The following SEMA6D variants were observed in gnomAD, a reference collection of about 807,000 sequenced individuals.
The protein encoded by SEMA6D is semaphorin-6D.
In SEMA6D, 35 loss-of-function variants were observed where a neutral mutation model predicts 106.6. The ratio of observed to expected loss-of-function variants is 0.33; its 90% CI spans 0.25 to 0.44. The LOEUF (loss-of-function observed/expected upper bound fraction) is 0.44, where lower values mean the gene tolerates loss of function less well. Among genes scored for constraint, SEMA6D ranks in the 20% least tolerant of loss-of-function variants. The pLI, the probability that SEMA6D is intolerant of heterozygous loss-of-function variation, is 1.00. For synonymous variants in SEMA6D, 499 were observed against 487.7 expected, an observed-to-expected ratio of 1.02 and a Z score of -0.31; for missense variants, 1,185 against 1,345.9, an observed-to-expected ratio of 0.88 and a Z score of 1.87.
intron 4 of SEMA6D, chr15:47,603,986 A>G (rs1039228471): frequency 2.6e-5 from 4 of 152,110 alleles, no homozygotes; most frequent in Admixed American, 6.6e-5. Context: ...TTTTCCTCCC[A>G]TGACTGCAAG....
chr15:47,753,986 T>C (rs937414180), intron 1 of SEMA6D, among the ~76,000 whole-genome samples: 1 of 152,186 alleles, frequency 6.6e-6, no homozygotes, highest in African/African-American at 2.4e-5. Flanking sequence ...ACCCCATTTC[T>C]ACATTCTAAT....
At chr15:47,711,917 T>G (rs371005739) in intron 4 of SEMA6D, among the ~76,000 whole-genome samples, 12 of 152,312 alleles carry the variant, frequency 7.9e-5, no homozygotes, top group East Asian at 1.9e-4. Flanking sequence ...TAGGGGTTTT[T>G]GGGTGTAAAA....
At position 47,374,726 on chromosome 15, in the gene SEMA6D, C is replaced by G. The variant is rs77354313; in HGVS notation, c.-238-37667C>G. Among the ~76,000 whole-genome samples, 705 of 152,232 alleles carry G rather than the reference C, an allele frequency of 4.6e-3. 9 individuals carry two copies. The highest frequency in any genetic ancestry group is 0.042 in the East Asian group (217 of 5,166). On this transcript the variant is annotated intron_variant, in intron 1 of 19. Coordinates refer to the SEMA6D transcript ENST00000558014. ...ATTGTGCAGAAATGAAGAGGAGGAG[C>G]AGCAAGGACAAAATACAAATGTCTC...
intron 4 of SEMA6D, among the ~76,000 whole-genome samples, chr15:47,649,370 A>G (rs1471426566): frequency 6.6e-6 from 1 of 152,234 alleles, no homozygotes; most frequent in African/African-American, 2.4e-5. Flanking sequence ...ATCAGCTAAC[A>G]TAACAGACAT....
At chr15:47,388,547 C>T (rs2039920281) in intron 1 of SEMA6D, among the ~76,000 whole-genome samples, 2 of 152,100 alleles carry the variant, frequency 1.3e-5, no homozygotes, top group African/African-American at 4.8e-5. Flanking sequence ...CTGTTAGTCA[C>T]TTAGTAGCTG....
At chr15:47,596,470 C>G (rs2076538290) in intron 3 of SEMA6D, among the ~76,000 whole-genome samples, 1 of 151,950 alleles carries the variant, frequency 6.6e-6, no homozygotes, top group Admixed American at 6.6e-5. Flanking sequence ...CACCAAATAG[C>G]CAAAGCAATC....
chr15:47,333,253 T>C (rs2037415642), intron 1 of SEMA6D, among the ~76,000 whole-genome samples: 1 of 152,098 alleles, frequency 6.6e-6, no homozygotes, highest in East Asian at 1.9e-4. Context: ...ATTTAATGAG[T>C]GAATATTTGT....
chr15:47,290,163 T>C, intron 1 of SEMA6D, among the ~76,000 whole-genome samples: 1 of 152,144 alleles, frequency 6.6e-6, no homozygotes, highest in East Asian at 1.9e-4. Context: ...GGCCTATACA[T>C]AAGAGAAATT....
At chr15:47,446,207 C>G (rs1300592084) in intron 2 of SEMA6D, among the ~76,000 whole-genome samples, 1 of 152,050 alleles carries the variant, frequency 6.6e-6, no homozygotes, top group Admixed American at 6.6e-5. Flanking sequence ...CTAGGTGGAA[C>G]AGGGAGGCAA....
intron 2 of SEMA6D, chr15:47,412,491 A>C (rs1191339523): frequency 6.6e-6 from 1 of 152,612 alleles, no homozygotes; most frequent in Non-Finnish European, 1.5e-5. Context: ...TAAATATATA[A>C]CAACGAAGGA....
At position 47,356,375 on chromosome 15, in the gene SEMA6D, C is replaced by G. The variant is rs553350022; in HGVS notation, c.-238-56018C>G. Among the ~76,000 whole-genome samples, 146 of 152,236 alleles carry G rather than the reference C, an allele frequency of 9.6e-4. 2 individuals are homozygous for G. Among genetic ancestry groups the G allele is most frequent in the African/African-American group, 3.5e-3 (145 of 41,540 alleles). ...GACTATGTGAAATATTCCACGAACA[C>G]TTTAAAACATGAGAAGTGCCCCACA... On this transcript the variant is annotated intron_variant, in intron 1 of 19. Transcript: ENST00000558014.
At chr15:47,767,543 G>T (rs1335125576) in intron 17 of SEMA6D, 1 of 152,252 alleles carries the variant, frequency 6.6e-6, no homozygotes, top group East Asian at 1.9e-4. Context: ...TCTTTGAATG[G>T]TTTGCGCTAA....
chr15:47,702,946 A>C (rs2078843110), intron 4 of SEMA6D, among the ~76,000 whole-genome samples: 1 of 152,190 alleles, frequency 6.6e-6, no homozygotes, highest in African/African-American at 2.4e-5. Context: ...ACGTGTCATT[A>C]TGCATTCATC....
intron 3 of SEMA6D, among the ~76,000 whole-genome samples, chr15:47,581,839 A>G (rs1190363614): frequency 6.6e-6 from 1 of 152,158 alleles, no homozygotes; most frequent in African/African-American, 2.4e-5. Flanking sequence ...AGGTCTAGAG[A>G]GTTTATACTT....
At chr15:47,714,327 A>G (rs1308047987), upstream of SEMA6D, among the ~76,000 whole-genome samples, 1 of 151,958 alleles carries the variant, frequency 6.6e-6, no homozygotes, top group African/African-American at 2.4e-5. Flanking sequence ...CAGTTTTCTC[A>G]TCTATAAAAA....
intron 1 of SEMA6D, among the ~76,000 whole-genome samples, chr15:47,285,009 A>G (rs1044623580): frequency 2.6e-4 from 40 of 152,306 alleles, no homozygotes; most frequent in African/African-American, 9.1e-4. Context: ...GGTGAGCTCC[A>G]TGACTCCTAG....
At chr15:47,325,163 T>G (rs2037079162) in intron 1 of SEMA6D, among the ~76,000 whole-genome samples, 1 of 151,938 alleles carries the variant, frequency 6.6e-6, no homozygotes, top group Non-Finnish European at 1.5e-5. Flanking sequence ...TGAAGCGTTT[T>G]TTTTTTGTTT....
chr15:47,309,551 A>G (rs2413870), intron 1 of SEMA6D, among the ~76,000 whole-genome samples: 150,589 of 152,308 alleles, frequency 0.99, 74,457 homozygotes, highest in Middle Eastern at 1. Flanking sequence ...AAAGGTGAAA[A>G]CTCTCAATTT....
intron 1 of SEMA6D, among the ~76,000 whole-genome samples, chr15:47,350,614 A>G (rs903847848): frequency 6.6e-6 from 1 of 152,188 alleles, no homozygotes. Context: ...AAAAATCCAG[A>G]TGTTTCCAAT....
Sources: gnomAD v4.1 joint callset for allele counts (sites outside exome capture counted in the v4.1 genomes callset) on GRCh38, gnomAD v4.1.1 for gene constraint, MANE v1.5 for transcripts, NCBI Gene and HGNC (gene_info 2026-07-23, HGNC 2026-07-21) for gene names.